SLC26A3: variants seen among roughly 807,000 people sequenced by gnomAD.
SLC26A3 encodes solute carrier family 26 member 3.
SLC26A3 carries 64 observed loss-of-function variants against 85.6 expected under a neutral mutation model. The ratio of observed to expected loss-of-function variants is 0.75; its 90% CI spans 0.61 to 0.92. The LOEUF is 0.92. Among genes scored for constraint, SLC26A3 ranks in the 40% least tolerant of loss-of-function variants. The probability of loss-of-function intolerance (pLI) is 0.00; values close to 1 mark genes in which losing one functional copy is unlikely to be tolerated. For synonymous variants in SLC26A3, 349 were observed against 336.0 expected (o/e 1.04, Z -0.42); for missense variants, 922 against 927.3 (o/e 0.99, Z 0.07).
chr7:107,778,128 TG>T, intron 13 of SLC26A3, 46 bp downstream of exon 13: 2 of 1,267,074 alleles, frequency 1.6e-6, no homozygotes, highest in Non-Finnish European at 2.3e-6. Context: ...TCTTCTGATT[TG>T]GGCAGGTCCA....
chr7:107,774,508 C>T (rs551584684), intron 16 of SLC26A3, among the ~76,000 whole-genome samples: 15 of 152,220 alleles, frequency 9.9e-5, no homozygotes, highest in South Asian at 4.2e-4. Context: ...GAGCTGTGAT[C>T]GCACCACTGC....
intron 18 of SLC26A3, among the ~76,000 whole-genome samples, chr7:107,769,405 T>C (rs553969487): frequency 6.6e-6 from 1 of 151,656 alleles, no homozygotes; most frequent in Non-Finnish European, 1.5e-5. Flanking sequence ...TATAAAAAAA[T>C]TAAAAAAAAA....
At chr7:107,799,714 G>T (rs890968161) in intron 1 of SLC26A3, among the ~76,000 whole-genome samples, 4 of 152,146 alleles carry the variant, frequency 2.6e-5, no homozygotes, top group Non-Finnish European at 5.9e-5. Flanking sequence ...AAAGCAAAAG[G>T]AGGAGACCAT....
intron 20 of SLC26A3, 67 bp from the exon 21 acceptor site, chr7:107,765,945 A>T: frequency 3.6e-6 from 5 of 1,379,756 alleles, no homozygotes; most frequent in Non-Finnish European, 4.1e-6. Context: ...ATCACATCTT[A>T]GGAGCTAGAA....
chr7:107,797,793 C>T (rs10275353), intron 1 of SLC26A3, among the ~76,000 whole-genome samples: 64,915 of 144,512 alleles, frequency 0.45, 14,961 homozygotes, highest in African/African-American at 0.53. Context: ...AGTGTAGTGG[C>T]GAGATCTCGG....
chr7:107,793,490 C>T lies in SLC26A3; in HGVS notation c.271+252G>A, dbSNP rs1045349655. ...ATTACGGTGAGTGAAAGAAACCAGA[C>T]ACAAAGTGCCATGTATTGTATTATT... On this transcript the variant is annotated intron_variant, in intron 3 of 20. Coordinates refer to ENST00000340010, the MANE Select transcript of SLC26A3 (RefSeq NM_000111.3). Among the ~76,000 whole-genome samples, 8 of 152,212 alleles carry T rather than the reference C, an allele frequency of 5.3e-5. No individual in the cohort carries two copies. The South Asian group carries it at 1.5e-3, about 28-fold the overall frequency.
rs143200113 is a variant in SLC26A3 at position 107,798,647 on chromosome 7, C to T, written c.-88-4050G>A. ...CAAGGGTGCAGAACACTTCCCAGCCCCTCCGCAGTCACATTAGATGCCTCC... is the reference window on the plus strand; with the variant it reads ...CAAGGGTGCAGAACACTTCCCAGCCTCTCCGCAGTCACATTAGATGCCTCC... On this transcript the variant is annotated intron_variant, in intron 1 of 20. Coordinates refer to ENST00000340010, the MANE Select transcript of SLC26A3 (RefSeq NM_000111.3). Among the ~76,000 whole-genome samples the T allele has an allele frequency of 3.9e-5, 6 of 152,170 alleles. No homozygotes were observed. The East Asian group carries it at 9.7e-4, about 25-fold the overall frequency.
rs139647950 is a variant in SLC26A3, at chr7:107,800,240, A to C, written c.-89+2871T>G. ...CTGGGTGCAGTGGCTCATGCCTGTA[A>C]TTTTGGCACGTTGGGAGACTGAAGT... On this transcript the variant is annotated intron_variant, in intron 1 of 20. Transcript: ENST00000340010. Among the ~76,000 whole-genome samples, 917 of 152,310 alleles carry C rather than the reference A, an allele frequency of 6.0e-3. 4 individuals carry two copies. The highest frequency in any genetic ancestry group is 7.7e-3 in the Non-Finnish European group (526 of 68,022).
chr7:107,799,056 G>A (rs1221577993), intron 1 of SLC26A3, among the ~76,000 whole-genome samples: 1 of 152,156 alleles, frequency 6.6e-6, no homozygotes, highest in Non-Finnish European at 1.5e-5. Flanking sequence ...CGTGAGGCTG[G>A]ATAGAAGCAG....
Position 107,767,574 on chromosome 7 carries a change from C to T in SLC26A3, c.2271+5G>A, listed in dbSNP as rs775753580. On this transcript the variant is annotated splice_donor_5th_base_variant and intron_variant, in intron 20 of 20. Transcript: ENST00000340010. ...GGTGAAGATAAACCTGTTGAAGAAT[C>T]TTACCTCATATACCCGATTACGTAA... is the stretch of plus-strand genomic sequence containing the variant. 6.2e-7 allele frequency: 1 copy of T among 1,601,484 alleles called. No individual in the cohort carries two copies. The highest frequency in any genetic ancestry group is 8.6e-7 in the Non-Finnish European group (1 of 1,169,222).
chr7:107,773,929 G>A lies in SLC26A3; in HGVS notation c.1998C>T (p.Gly666=), dbSNP rs1342744050. The change falls in exon 17 of 21, where the codon GGC becomes GGT. Residue 666 remains glycine (G), a synonymous_variant. Coordinates refer to ENST00000340010, the MANE Select transcript of SLC26A3 (RefSeq NM_000111.3). ...AGAACAAAGAAATTACCGATTTAAG[G>A]CCCCTCACTGAAGAAACATCAAGAA... The part of the protein sequence containing the change: ...VSFLDVSSVR[G]LKSILQEFIR... The A allele has an allele frequency of 1.2e-6, 2 of 1,611,264 alleles. No homozygotes were observed. Among genetic ancestry groups the A allele is most frequent in the Non-Finnish European group, 8.5e-7 (1 of 1,177,628 alleles).
At chr7:107,799,480 T>C (rs1794566986) in intron 1 of SLC26A3, among the ~76,000 whole-genome samples, 1 of 152,140 alleles carries the variant, frequency 6.6e-6, no homozygotes, top group African/African-American at 2.4e-5. Flanking sequence ...AAACTCCACC[T>C]TCTGGGTTCA....
At chr7:107,800,507 T>G (rs4618632) in intron 1 of SLC26A3, among the ~76,000 whole-genome samples, 63,163 of 152,112 alleles carry the variant, frequency 0.42, 13,593 homozygotes, top group African/African-American at 0.5. Context: ...ATCATTTCCT[T>G]CTTGTAAGTA....
In SLC26A3 at chr7:107,778,208, A is replaced by C; in HGVS notation, c.1481T>G (p.Phe494Cys). 6.2e-7 allele frequency: 1 copy of C among 1,613,962 alleles called. No individual in the cohort carries two copies. Among genetic ancestry groups the C allele is most frequent in the Non-Finnish European group, 8.5e-7 (1 of 1,179,890 alleles). ...LGLGLAASVA[F>C]QLLTIVFRTQ... is the part of the protein sequence containing the mutation. Reference sequence around the variant, plus strand: ...CCTGAACACGATGGTTAGCAGTTGAAATGCCACACTAGCTGCCAGGCCTAA... The same window carrying C: ...CCTGAACACGATGGTTAGCAGTTGACATGCCACACTAGCTGCCAGGCCTAA... The change falls in exon 13 of 21, where the codon TTT becomes TGT. Residue 494 changes from phenylalanine (F) to cysteine (C), a missense_variant. Coordinates refer to ENST00000340010, the MANE Select transcript of SLC26A3 (RefSeq NM_000111.3).
chr7:107,791,919 A>G lies in SLC26A3; in HGVS notation c.293T>C (p.Val98Ala), dbSNP rs1452558633. ...CAACCCATAGACTGGGGGAATGTCG[A>G]CCAGCAGAGCAAATGCTAAACCTGT... ...VLQGLAFALL[V>A]DIPPVYGLYA... The change falls in exon 4 of 21, where the codon GTC (valine) becomes GCC (alanine). Residue 98 changes from valine to alanine, a missense_variant. Transcript: ENST00000340010. The G allele has an allele frequency of 6.2e-7, 1 of 1,612,814 alleles. No homozygotes were observed. Among genetic ancestry groups the G allele is most frequent in the Non-Finnish European group, 8.5e-7 (1 of 1,178,816 alleles).
chr7:107,789,696 G>T lies in SLC26A3; in HGVS notation c.571-8C>A. The T allele has an allele frequency of 6.2e-7, 1 of 1,611,462 alleles. No individual in the cohort carries two copies. The highest frequency in any genetic ancestry group is 1.7e-5 in the Admixed American group (1 of 59,600). On this transcript the variant is annotated splice_polypyrimidine_tract_variant and splice_region_variant and intron_variant, in intron 5 of 20. Transcript: ENST00000340010. Reference sequence around the variant, plus strand: ...CAGAATCCCAAAAGCCAACTGGAAAGAGAACAAAAGCCTTTGTCAGCATAG... The same window carrying T: ...CAGAATCCCAAAAGCCAACTGGAAATAGAACAAAAGCCTTTGTCAGCATAG...
intron 3 of SLC26A3, among the ~76,000 whole-genome samples, chr7:107,792,488 C>T (rs546856395): frequency 2.0e-3 from 311 of 151,938 alleles, no homozygotes; most frequent in South Asian, 3.3e-3. Context: ...AGATCCCTTG[C>T]GTGCACAGTT....
chr7:107,790,692 G>A (rs1380158536), intron 5 of SLC26A3, among the ~76,000 whole-genome samples: 3 of 152,134 alleles, frequency 2.0e-5, no homozygotes, highest in Non-Finnish European at 4.4e-5. Context: ...CCAGTATGAC[G>A]ATTTCTTGTA....
At position 107,791,835 on chromosome 7, in the gene SLC26A3, GAT is replaced by G. The variant is rs1249253969; in HGVS notation, c.375_376del (p.Ser126ArgfsTer35). 6.2e-7 allele frequency: 1 copy of G among 1,600,088 alleles called. No homozygotes were observed. The highest frequency in any genetic ancestry group is 2.2e-5 in the East Asian group (1 of 44,764). ...CAGCTCAGTAACTGACTTACCCACG[GAT>G]ATGTGTCTGGAAGTGCCGAAGAAAA... On this transcript the variant is annotated frameshift_variant, in exon 4 of 21. Coordinates refer to ENST00000340010, the MANE Select transcript of SLC26A3 (RefSeq NM_000111.3). LOFTEE classifies it high-confidence loss of function.
Sources: gnomAD v4.1 joint callset for allele counts (sites outside exome capture counted in the v4.1 genomes callset) on GRCh38, gnomAD v4.1.1 for gene constraint, MANE v1.5 for transcripts, NCBI Gene and HGNC (gene_info 2026-07-23, HGNC 2026-07-21) for gene names.